COL21A1: variants seen among roughly 807,000 people sequenced by gnomAD.
COL21A1 encodes the protein collagen type XXI alpha 1 chain.
Under a neutral mutation model 137.9 loss-of-function variants are expected in COL21A1, and 149 were observed. That is an observed-to-expected ratio of 1.08 (90% CI 0.95 to 1.24). COL21A1 has a LOEUF of 1.24. Ranked by LOEUF, COL21A1 falls within the 50% of genes most tolerant of loss-of-function variation. COL21A1 has a pLI of 0.00. For missense variants in COL21A1, 1,167 were observed against 1,158.4 expected (o/e 1.01, Z -0.11); for synonymous variants, 456 against 391.5 (o/e 1.16, Z -1.95).
At chr6:56,109,142 A>T (rs754733643) in intron 16 of COL21A1, among the ~76,000 whole-genome samples, 5 of 151,802 alleles carry the variant, frequency 3.3e-5, no homozygotes, top group Non-Finnish European at 7.4e-5. Flanking sequence ...AAATGAATTC[A>T]ATTCTCAATT....
intron 3 of COL21A1, among the ~76,000 whole-genome samples, chr6:56,177,697 C>T (rs1777594719): frequency 6.9e-6 from 1 of 145,582 alleles, no homozygotes; most frequent in Non-Finnish European, 1.5e-5. Context: ...GAGGCTGAGG[C>T]AGGAGAATGG....
intron 1 of COL21A1, among the ~76,000 whole-genome samples, chr6:56,293,360 A>G (rs1055473931): frequency 9.9e-5 from 15 of 152,146 alleles, no homozygotes; most frequent in African/African-American, 3.4e-4. Context: ...TGAAATTTTC[A>G]GGTTTTTTAA....
At chr6:56,146,655 A>G (rs999249574) in intron 10 of COL21A1, among the ~76,000 whole-genome samples, 2 of 152,128 alleles carry the variant, frequency 1.3e-5, no homozygotes, top group African/African-American at 4.8e-5. Flanking sequence ...CACAATGCCT[A>G]AGAGGAATTC....
intron 1 of COL21A1, among the ~76,000 whole-genome samples, chr6:56,372,949 C>T (rs966099502): frequency 6.6e-6 from 1 of 152,136 alleles, no homozygotes; most frequent in Non-Finnish European, 1.5e-5. Flanking sequence ...TTCCCATATG[C>T]CTTTGCAGCT....
intron 1 of COL21A1, among the ~76,000 whole-genome samples, chr6:56,297,978 A>T (rs569994919): frequency 5.3e-5 from 8 of 152,088 alleles, no homozygotes; most frequent in Non-Finnish European, 1.0e-4. Context: ...AAGATGACAA[A>T]ATCCTGGTGT....
intron 1 of COL21A1, among the ~76,000 whole-genome samples, chr6:56,220,598 C>T (rs1461598277): frequency 6.6e-6 from 1 of 152,088 alleles, no homozygotes; most frequent in Non-Finnish European, 1.5e-5. Flanking sequence ...ATAACAGAGT[C>T]GGAAGGACAC....
chr6:56,167,014 T>C (rs1171046320), intron 6 of COL21A1, 31 bp from the exon 7 acceptor site: 1 of 1,529,722 alleles, frequency 6.5e-7, no homozygotes, highest in Non-Finnish European at 9.0e-7. Flanking sequence ...GAATTAAAGT[T>C]GAGGCACAAG....
At chr6:56,089,813 C>T (rs1164276622) in intron 17 of COL21A1, among the ~76,000 whole-genome samples, 1 of 152,182 alleles carries the variant, frequency 6.6e-6, no homozygotes, top group East Asian at 1.9e-4. Context: ...CTCATATTTG[C>T]AATTGCATTT....
chr6:56,338,163 A>C (rs1368573570), intron 1 of COL21A1, among the ~76,000 whole-genome samples: 2 of 151,652 alleles, frequency 1.3e-5, no homozygotes, highest in South Asian at 2.1e-4. Flanking sequence ...CGGGGGTTTC[A>C]CCATATTGGT....
At chr6:56,365,496 C>CT (rs1392198349) in intron 1 of COL21A1, among the ~76,000 whole-genome samples, 11 of 152,100 alleles carry the variant, frequency 7.2e-5, no homozygotes, top group East Asian at 1.9e-4. Flanking sequence ...GTTCTTGAAT[C>CT]TTTTTTTTCG....
chr6:56,073,020 C>T (rs1357265173), intron 20 of COL21A1, among the ~76,000 whole-genome samples: 2 of 151,188 alleles, frequency 1.3e-5, no homozygotes. Context: ...AGACAGCACA[C>T]ATTGTTCTAA....
chr6:56,279,750 C>G (rs1763750740), intron 1 of COL21A1, among the ~76,000 whole-genome samples: 1 of 152,212 alleles, frequency 6.6e-6, no homozygotes, highest in Admixed American at 6.5e-5. Flanking sequence ...CAGAAAGATA[C>G]ACTAGTGAGA....
intron 1 of COL21A1, among the ~76,000 whole-genome samples, chr6:56,293,204 A>C (rs4715609): frequency 0.45 from 68,277 of 152,006 alleles, 17,289 homozygotes; most frequent in East Asian, 0.77. Context: ...TACGTGAAAT[A>C]AAATTAAGTA....
At chr6:56,157,353 C>T (rs1469599413) in intron 9 of COL21A1, among the ~76,000 whole-genome samples, 2 of 145,198 alleles carry the variant, frequency 1.4e-5, no homozygotes, top group Non-Finnish European at 3.0e-5. Context: ...CTCTGTCACC[C>T]AGGCTGCAGT....
At chr6:56,253,407 A>C (rs1782899715) in intron 1 of COL21A1, among the ~76,000 whole-genome samples, 1 of 152,218 alleles carries the variant, frequency 6.6e-6, no homozygotes, top group Non-Finnish European at 1.5e-5. Flanking sequence ...CTTTGGAAGA[A>C]AAGAGAGTTA....
chr6:56,383,207 AC>A (rs1240109528), intron 1 of COL21A1, among the ~76,000 whole-genome samples: 2 of 152,138 alleles, frequency 1.3e-5, no homozygotes, highest in Non-Finnish European at 2.9e-5. Flanking sequence ...TAGATTCCAG[AC>A]AGCTGCCTTC....
At chr6:56,278,752 G>A (rs1006427981) in intron 1 of COL21A1, among the ~76,000 whole-genome samples, 10 of 152,232 alleles carry the variant, frequency 6.6e-5, no homozygotes, top group Admixed American at 2.6e-4. Flanking sequence ...ACCGATTGGT[G>A]GTGAATGATT....
intron 1 of COL21A1, among the ~76,000 whole-genome samples, chr6:56,387,861 T>C (rs933952751): frequency 1.3e-5 from 2 of 152,174 alleles, no homozygotes; most frequent in African/African-American, 4.8e-5. Context: ...ACTACAGTCC[T>C]TGGGCAAGCC....
At chr6:56,241,982 C>G (rs1782354128) in intron 1 of COL21A1, among the ~76,000 whole-genome samples, 5 of 152,126 alleles carry the variant, frequency 3.3e-5, no homozygotes, top group Admixed American at 3.3e-4. Flanking sequence ...GTCTGAATCC[C>G]CTTTACCTAA....
Sources: allele counts gnomAD v4.1 joint callset (sites outside exome capture counted in the v4.1 genomes callset), GRCh38; gene constraint gnomAD v4.1.1; transcripts MANE v1.5; gene names NCBI Gene and HGNC (gene_info 2026-07-23, HGNC 2026-07-21).